Variants in EIF2D observed in about 807,000 individuals in gnomAD.
The protein encoded by EIF2D is eukaryotic translation initiation factor 2D.
In EIF2D, 56 loss-of-function variants were observed where a neutral mutation model predicts 77.4. The observed-to-expected ratio is 0.72, with a 90% CI of 0.58 to 0.90. The LOEUF is 0.90. Ranked by LOEUF, EIF2D falls within the 40% of genes least tolerant of loss-of-function variation. EIF2D has a pLI of 0.00. For missense variants in EIF2D, 574 were observed against 706.5 expected (o/e 0.81, Z 2.13); for synonymous variants, 230 against 271.0 (o/e 0.85, Z 1.49).
chr1:206,581,903 G>T (rs1487052021), intron 2 of EIF2D, among the ~76,000 whole-genome samples: 1 of 152,044 alleles, frequency 6.6e-6, no homozygotes, highest in African/African-American at 2.4e-5. Flanking sequence ...GTTGTGTTCC[G>T]CGGGGTGGTG....
chr1:206,602,179 C>G lies in EIF2D; in HGVS notation c.902+157G>C, dbSNP rs1047251265. 92 of 565,656 alleles carry G rather than the reference C, an allele frequency of 1.6e-4. No individual in the cohort carries two copies. The South Asian group carries it at 1.6e-3, about 10-fold the overall frequency. 35.0% of individuals were successfully genotyped at this position (565,656 alleles called of 1,614,324 possible). On this transcript the variant is annotated intron_variant, in intron 7 of 14. Coordinates refer to ENST00000271764, the MANE Select transcript of EIF2D (RefSeq NM_006893.3). Reference sequence around the variant, plus strand: ...AAGCTAAGAATTAACTTTTTAGAACCCAGGAACTAATGTATTTGTCAGATA... The same window carrying G: ...AAGCTAAGAATTAACTTTTTAGAACGCAGGAACTAATGTATTTGTCAGATA...
At chr1:206,608,362 G>C (rs1553413154) in intron 3 of EIF2D, 36 bp from the exon 4 acceptor site, 1 of 1,566,174 alleles carries the variant, frequency 6.4e-7, no homozygotes, top group Non-Finnish European at 8.8e-7. Flanking sequence ...CCTGCATTCA[G>C]CCTCCATCTC....
Position 206,578,133 on chromosome 1 carries a change from GGA to G in EIF2D, c.*254+2557_*254+2558del, listed in dbSNP as rs373382364. ...CCCAGCTACATGGGAGGCTGAGGCA[GGA>G]GGATTGCTTGAGCCTAGGAGGTCGA... On this transcript the variant is annotated intron_variant and NMD_transcript_variant, in intron 4 of 5. Coordinates refer to the EIF2D transcript ENST00000472709. Among the ~76,000 whole-genome samples the G allele has an allele frequency of 3.6e-3, 554 of 152,246 alleles. 5 individuals carry two copies. The South Asian group carries it at 0.04, about 11-fold the overall frequency.
chr1:206,591,438 TAGA>T (rs1333447436), downstream of EIF2D, among the ~76,000 whole-genome samples: 2 of 152,076 alleles, frequency 1.3e-5, no homozygotes, highest in African/African-American at 4.8e-5. Flanking sequence ...GGATATTTGG[TAGA>T]AGGTCTTTAA....
chr1:206,612,242 G>T lies in EIF2D; in HGVS notation c.56+45C>A, dbSNP rs368754584. Reference sequence around the variant, plus strand: ...GCTATGGGCCAGCGGGGCCCAAGAGGTGTCTGGTTGTTCCGTGGCAGAGCA... The same window carrying T: ...GCTATGGGCCAGCGGGGCCCAAGAGTTGTCTGGTTGTTCCGTGGCAGAGCA... On this transcript the variant is annotated intron_variant, in intron 1 of 14. Transcript: ENST00000271764. The T allele has an allele frequency of 2.8e-5, 45 of 1,612,822 alleles. No individual in the cohort carries two copies. In the African/African-American group the frequency reaches 5.3e-4, roughly 19 times the overall value.
intron 7 of EIF2D, 97 bp from the exon 8 acceptor site, chr1:206,600,405 C>G (rs970107141): frequency 7.8e-6 from 9 of 1,156,918 alleles, no homozygotes; most frequent in African/African-American, 3.1e-5. Context: ...GCCTTCCTCC[C>G]CCACCTTCAG....
rs781847030 is a variant in EIF2D, at chr1:206,595,699, T to C, written c.1509+19A>G. 33 of 1,612,002 alleles carry C rather than the reference T, an allele frequency of 2.0e-5. No homozygotes were observed. The Admixed American group carries it at 5.2e-4, about 25-fold the overall frequency. ...ACATTAAATCACTATCCTTGAACAT[T>C]GTGTCTTTCTAAAATTACCTTTTTA... On this transcript the variant is annotated intron_variant, in intron 13 of 14. Transcript: ENST00000271764.
chr1:206,596,608 C>T (rs899203424), intron 12 of EIF2D, among the ~76,000 whole-genome samples: 1 of 152,060 alleles, frequency 6.6e-6, no homozygotes, highest in African/African-American at 2.4e-5. Context: ...ACACTTTTCC[C>T]CAGCCTTCTT....
chr1:206,571,453 C>T (rs1668446915), exon 6 of EIF2D: 1 of 152,154 alleles, frequency 6.6e-6, no homozygotes, highest in Non-Finnish European at 1.5e-5. Context: ...TACCCACCGT[C>T]CATCCTTAAT....
intron 4 of EIF2D, among the ~76,000 whole-genome samples, chr1:206,578,232 A>AGTTTG (rs1553405555): frequency 2.3e-5 from 3 of 130,422 alleles, no homozygotes; most frequent in African/African-American, 9.0e-5. Flanking sequence ...CAAAAAAAAA[A>AGTTTG]AGTGTGTGTG....
Position 206,612,297 on chromosome 1 carries a change from C to T in EIF2D, c.46G>A (p.Gly16Arg). 6.2e-7 allele frequency: 1 copy of T among 1,614,254 alleles called. No homozygotes were observed. The highest frequency in any genetic ancestry group is 1.6e-4 in the Middle Eastern group (1 of 6,062). ...FRVKSNTAIK[G>R]SDRRKLRADV... ...CCTTTCCTCCCTCACCTGTCCGACC[C>T]CTTGATGGCCGTGTTGGACTTGACC... The change falls in exon 1 of 15, where the codon GGG (glycine) becomes AGG (arginine). Residue 16 changes from glycine (G) to arginine (R), a missense_variant. Gly to Arg is a moderately radical substitution (Grantham distance 125). Coordinates refer to ENST00000271764, the MANE Select transcript of EIF2D (RefSeq NM_006893.3).
Position 206,584,007 on chromosome 1 carries a change from C to T in EIF2D, c.139-2845G>A, listed in dbSNP as rs974690227. Reference sequence around the variant, plus strand: ...AATCTAGTGGGCTGGTTCTCCAAGGCCCTCATTATAGAGCCTTCCTGCTTC... The same window carrying T: ...AATCTAGTGGGCTGGTTCTCCAAGGTCCTCATTATAGAGCCTTCCTGCTTC... On this transcript the variant is annotated intron_variant and NMD_transcript_variant, in intron 2 of 5. Transcript: ENST00000472709. This position sits in a 1 kb window ranked among gnomAD's most constrained non-coding sequence, Gnocchi z 4.9. Among the ~76,000 whole-genome samples, 7 of 152,162 alleles carry T rather than the reference C, an allele frequency of 4.6e-5. No homozygotes were observed. The highest frequency in any genetic ancestry group is 1.7e-4 in the African/African-American group (7 of 41,428).
downstream of EIF2D, chr1:206,589,504 C>T (rs1229374987): frequency 6.6e-6 from 1 of 152,140 alleles, no homozygotes; most frequent in African/African-American, 2.4e-5. Flanking sequence ...CTCCGCAGTG[C>T]AAGAGAGTCA....
chr1:206,599,008 G>A lies in EIF2D; in HGVS notation c.1287C>T (p.Asn429=), dbSNP rs782626267. 6.2e-7 allele frequency: 1 copy of A among 1,613,948 alleles called. No homozygotes were observed. Among genetic ancestry groups the A allele is most frequent in the Non-Finnish European group, 8.5e-7 (1 of 1,179,944 alleles). Residue 429 remains asparagine (N), a synonymous_variant, in exon 11 of 15, where the codon AAC becomes AAT. Transcript: ENST00000271764. This position sits in a 1 kb window ranked among gnomAD's most constrained non-coding sequence, Gnocchi z 4.1. The stretch of plus-strand genomic sequence containing the variant: ...GGTGCTTCTCATGCACTCACTTTTT[G>A]TTGTCTGCATCAACCAGGTCATTTT... The part of the protein sequence containing the change: ...AKKNDLVDAD[N]KNLVRLDPIL...
At chr1:206,578,233 A>AGTGT (rs58059864) in intron 4 of EIF2D, among the ~76,000 whole-genome samples, 4,757 of 117,498 alleles carry the variant, frequency 0.04, 82 homozygotes, top group African/African-American at 0.056. Flanking sequence ...AAAAAAAAAA[A>AGTGT]GTGTGTGTGT....
In EIF2D at chr1:206,595,732, C is replaced by T; in HGVS notation, c.1495G>A (p.Ala499Thr). 1.9e-6 allele frequency: 3 copies of T among 1,613,654 alleles called. No individual in the cohort carries two copies. The highest frequency in any genetic ancestry group is 1.7e-6 in the Non-Finnish European group (2 of 1,179,684). Reference sequence around the variant, plus strand: ...TCTAAAATTACCTTTTTATTAGACGCTCTTTGTGCTAGGGTGATGTCAATT... The same window carrying T: ...TCTAAAATTACCTTTTTATTAGACGTTCTTTGTGCTAGGGTGATGTCAATT... ...CPIDITLAQR[A>T]SNKKVTVVRN... is the part of the protein sequence containing the mutation. The change falls in exon 13 of 15, where the codon GCG (alanine) becomes ACG (threonine). Residue 499 changes from alanine to threonine, a missense_variant. By Grantham distance (58) the Ala-to-Thr change is moderately conservative. Transcript: ENST00000271764.
downstream of EIF2D, among the ~76,000 whole-genome samples, chr1:206,591,041 A>G (rs1553408854): frequency 6.6e-6 from 1 of 152,242 alleles, no homozygotes; most frequent in East Asian, 1.9e-4. Context: ...GCACCATTTC[A>G]GGGAGTTCAT....
chr1:206,596,021 TA>T (rs1553409969), intron 12 of EIF2D, among the ~76,000 whole-genome samples, 183 bp from the exon 13 acceptor site: 1 of 152,206 alleles, frequency 6.6e-6, no homozygotes, highest in African/African-American at 2.4e-5. Context: ...TATCTCTGAC[TA>T]GGGCTATGTA....
intron 1 of EIF2D, among the ~76,000 whole-genome samples, chr1:206,612,076 C>T (rs1389756717): frequency 6.6e-6 from 1 of 152,226 alleles, no homozygotes; most frequent in African/African-American, 2.4e-5. Flanking sequence ...TTCTTTTAAA[C>T]TCACTAGACT....
Sources: gnomAD v4.1 joint callset for allele counts (sites outside exome capture counted in the v4.1 genomes callset) on GRCh38, gnomAD v4.1.1 for gene constraint, Gnocchi (gnomAD v3.1) non-coding constraint, MANE v1.5 for transcripts, NCBI Gene and HGNC (gene_info 2026-07-23, HGNC 2026-07-21) for gene names.